Variants in SLC13A5 observed in about 807,000 individuals in gnomAD.
SLC13A5 encodes Na(+)/citrate cotransporter.
SLC13A5 carries 25 observed loss-of-function variants against 56.5 expected under a neutral mutation model. The observed-to-expected ratio is 0.44, with a 90% CI of 0.32 to 0.62. The LOEUF is 0.62. Among genes scored for constraint, SLC13A5 ranks in the 20% least tolerant of loss-of-function variants. The probability of loss-of-function intolerance (pLI) is 0.04; values close to 1 mark genes in which losing one functional copy is unlikely to be tolerated. For missense variants in SLC13A5, 649 were observed against 737.8 expected (o/e 0.88, Z 1.39); for synonymous variants, 307 against 301.5 (o/e 1.02, Z -0.19).
chr17:6,703,190 C>T, intron 4 of SLC13A5, 52 bp from the exon 5 acceptor site: 1 of 1,605,326 alleles, frequency 6.2e-7, no homozygotes, highest in Non-Finnish European at 8.5e-7. Flanking sequence ...GCTGCCCACC[C>T]AGCCCCAGGT....
rs770791317 is a variant in SLC13A5 at position 6,713,279 on chromosome 17, C to G, written c.55G>C (p.Val19Leu). 1 of 1,613,978 alleles carries G rather than the reference C, an allele frequency of 6.2e-7. No homozygotes were observed. The highest frequency in any genetic ancestry group is 8.5e-7 in the Non-Finnish European group (1 of 1,179,914). The change falls in exon 1 of 12, where the codon GTC becomes CTC. Residue 19 changes from valine (V) to leucine (L), a missense_variant. Val to Leu is a conservative substitution (Grantham distance 32). Coordinates refer to ENST00000433363, the MANE Select transcript of SLC13A5 (RefSeq NM_177550.5). The surrounding 1 kb of genome is among the most constrained non-coding windows in gnomAD (Gnocchi z 7.3). ...AGTGGCAGCAGCAGGAGCGGGGTGACGAACAAGATCACGAAGGACTTGAAC... is the reference window on the plus strand; with the variant it reads ...AGTGGCAGCAGCAGGAGCGGGGTGAGGAACAAGATCACGAAGGACTTGAAC... ...SKFKSFVILF[V>L]TPLLLLPLVI...
At chr17:6,702,148 C>G (rs1490816347) in intron 5 of SLC13A5, among the ~76,000 whole-genome samples, 2 of 152,224 alleles carry the variant, frequency 1.3e-5, no homozygotes, top group Admixed American at 1.3e-4. Flanking sequence ...GCTCCTGCGC[C>G]CACTGCCCTC....
In SLC13A5 at chr17:6,711,124, C is replaced by G. The variant is rs1415314181; in HGVS notation, c.102+2108G>C. Reference sequence around the variant, plus strand: ...GCGTGCCCTGGGAGTCACCTCCTGGCAAGGACTGTGTTGCTCAGGCTGCCA... The same window carrying G: ...GCGTGCCCTGGGAGTCACCTCCTGGGAAGGACTGTGTTGCTCAGGCTGCCA... On this transcript the variant is annotated intron_variant, in intron 1 of 11. Transcript: ENST00000433363. This position sits in a 1 kb window ranked among gnomAD's most constrained non-coding sequence, Gnocchi z 4.0. Among the ~76,000 whole-genome samples the G allele has an allele frequency of 2.0e-5, 3 of 152,144 alleles. No individual in the cohort carries two copies. Among genetic ancestry groups the G allele is most frequent in the South Asian group, 2.1e-4 (1 of 4,818 alleles).
At position 6,687,121 on chromosome 17, in the gene SLC13A5, G is replaced by A. The variant is rs771273367; in HGVS notation, c.1575+408C>T. 15 of 198,504 alleles carry A rather than the reference G, an allele frequency of 7.6e-5. No individual in the cohort carries two copies. The highest frequency in any genetic ancestry group is 1.5e-4 in the Non-Finnish European group (15 of 98,756). The allele number at this position is 198,504 out of a possible 1,614,324, so 12.3% of individuals were successfully genotyped here. On this transcript the variant is annotated intron_variant, in intron 11 of 11. Coordinates refer to ENST00000433363, the MANE Select transcript of SLC13A5 (RefSeq NM_177550.5). The surrounding 1 kb of genome is among the most constrained non-coding windows in gnomAD (Gnocchi z 5.0). ...CCTCTCCCTGCTTCTACCTCTTCAG[G>A]CACCCCTACAAATCTCTGTGACTGT... is the stretch of plus-strand genomic sequence containing the variant.
rs887778891 is a variant in SLC13A5 at position 6,692,274 on chromosome 17, T to C, written c.1275+770A>G. Among the ~76,000 whole-genome samples the C allele has an allele frequency of 8.7e-5, 13 of 149,216 alleles. No homozygotes were observed. The highest frequency in any genetic ancestry group is 5.9e-4 in the East Asian group (3 of 5,080). On this transcript the variant is annotated intron_variant, in intron 9 of 11. Transcript: ENST00000433363. The surrounding 1 kb of genome is among the most constrained non-coding windows in gnomAD (Gnocchi z 5.5). ...ATGGATGGATGGATGGATGGATGGA[T>C]GGACGGATGGACGGACGGATGGATG... is the stretch of plus-strand genomic sequence containing the variant.
Position 6,706,872 on chromosome 17 carries a change from G to A in SLC13A5, c.232-94C>T, listed in dbSNP as rs189539209. 78 of 1,575,924 alleles carry A rather than the reference G, an allele frequency of 4.9e-5. No homozygotes were observed. The African/African-American group carries it at 8.2e-4, about 17-fold the overall frequency. ...ATGCTGACTTCAGGGACAGCTTGGAGTGGGGATGCAGGCTCGAGTGGTGTC... is the reference window on the plus strand; with the variant it reads ...ATGCTGACTTCAGGGACAGCTTGGAATGGGGATGCAGGCTCGAGTGGTGTC... On this transcript the variant is annotated intron_variant, in intron 2 of 11. Transcript: ENST00000433363.
In SLC13A5 at chr17:6,706,989, A is replaced by T. The variant is rs2151498619; in HGVS notation, c.231+39T>A. 1.9e-6 allele frequency: 3 copies of T among 1,611,806 alleles called. No individual in the cohort carries two copies. In the South Asian group the frequency reaches 3.3e-5, roughly 18 times the overall value. On this transcript the variant is annotated intron_variant, in intron 2 of 11. Transcript: ENST00000433363. ...GGGGACTAGAGAAAGAGAGAAGGGGAGAACCAGAAAGTCACCAGGATCCCT... is the reference window on the plus strand; with the variant it reads ...GGGGACTAGAGAAAGAGAGAAGGGGTGAACCAGAAAGTCACCAGGATCCCT...
rs971343338 is a variant in SLC13A5 at position 6,687,806 on chromosome 17, G to A, written c.1438-140C>T. Reference sequence around the variant, plus strand: ...TCTTGGTTCCTCTCCCTTTTGCCACGTCTCTGGCAGATAATTCCACCTACG... The same window carrying A: ...TCTTGGTTCCTCTCCCTTTTGCCACATCTCTGGCAGATAATTCCACCTACG... On this transcript the variant is annotated intron_variant, in intron 10 of 11. Transcript: ENST00000433363. The surrounding 1 kb of genome is among the most constrained non-coding windows in gnomAD (Gnocchi z 5.0). 2.6e-5 allele frequency: 27 copies of A among 1,049,140 alleles called. No homozygotes were observed. Among genetic ancestry groups the A allele is most frequent in the African/African-American group, 5.0e-5 (3 of 60,106 alleles). The allele number at this position is 1,049,140 out of a possible 1,614,324, so 65.0% of individuals were successfully genotyped here.
chr17:6,696,868 G>C (rs1973575927), intron 6 of SLC13A5, among the ~76,000 whole-genome samples: 1 of 152,160 alleles, frequency 6.6e-6, no homozygotes, highest in Non-Finnish European at 1.5e-5. Flanking sequence ...TGATGGAATA[G>C]GAGCTCATTC....
intron 6 of SLC13A5, among the ~76,000 whole-genome samples, chr17:6,696,980 T>A (rs930200391): frequency 6.6e-6 from 1 of 152,046 alleles, no homozygotes; most frequent in African/African-American, 2.4e-5. Flanking sequence ...GGACATCAGG[T>A]CACAGCTTTC....
At position 6,701,976 on chromosome 17, in the gene SLC13A5, G is replaced by A. The variant is rs1345487309; in HGVS notation, c.717-850C>T. 6.6e-6 allele frequency among the ~76,000 whole-genome samples: 1 copy of A among 152,186 alleles called. No individual in the cohort carries two copies. Among genetic ancestry groups the A allele is most frequent in the Non-Finnish European group, 1.5e-5 (1 of 68,024 alleles). ...TCAAGAGTGTCAAAGCAGGCGCAGA[G>A]CTTTCCCCACTCAGCCCAGACGGGC... On this transcript the variant is annotated intron_variant, in intron 5 of 11. Coordinates refer to ENST00000433363, the MANE Select transcript of SLC13A5 (RefSeq NM_177550.5). This position sits in a 1 kb window ranked among gnomAD's most constrained non-coding sequence, Gnocchi z 4.1.
In SLC13A5 at chr17:6,713,121, C is replaced by T. The variant is rs754518413; in HGVS notation, c.102+111G>A. On this transcript the variant is annotated intron_variant, in intron 1 of 11. Coordinates refer to ENST00000433363, the MANE Select transcript of SLC13A5 (RefSeq NM_177550.5). This position sits in a 1 kb window ranked among gnomAD's most constrained non-coding sequence, Gnocchi z 7.3. ...CCTGAGTGCGCGCGCCCCGGGAGAGCTGTGCTCCCCGCGAAATCCGTGCGC... is the reference window on the plus strand; with the variant it reads ...CCTGAGTGCGCGCGCCCCGGGAGAGTTGTGCTCCCCGCGAAATCCGTGCGC... The T allele has an allele frequency of 1.6e-5, 18 of 1,096,250 alleles. No individual in the cohort carries two copies. The highest frequency in any genetic ancestry group is 2.3e-5 in the Non-Finnish European group (17 of 750,690). The allele number at this position is 1,096,250 out of a possible 1,614,324, so 67.9% of individuals were successfully genotyped here.
intron 11 of SLC13A5, 43 bp from the exon 12 acceptor site, chr17:6,686,381 C>G: frequency 6.2e-7 from 1 of 1,612,240 alleles, no homozygotes; most frequent in Non-Finnish European, 8.5e-7. Flanking sequence ...CTGCTGGGGA[C>G]TAGTGCTCTC....
In SLC13A5 at chr17:6,686,072, G is replaced by T; in HGVS notation, c.*135C>A. The T allele has an allele frequency of 1.5e-6, 2 of 1,294,276 alleles. No homozygotes were observed. Among genetic ancestry groups the T allele is most frequent in the Non-Finnish European group, 2.1e-6 (2 of 932,034 alleles). The allele number at this position is 1,294,276 out of a possible 1,614,324, so 80.2% of individuals were successfully genotyped here. On this transcript the variant is annotated 3_prime_UTR_variant, in exon 12 of 12. Coordinates refer to ENST00000433363, the MANE Select transcript of SLC13A5 (RefSeq NM_177550.5). ...GGCTTGGAGGAAGAGGTGGCCCATT[G>T]GCTGGGTTTTGGTGGTGTGTGGACA...
rs188633887 is a variant in SLC13A5, at chr17:6,694,034, T to C, written c.1156+63A>G. The C allele has an allele frequency of 7.2e-4, 816 of 1,137,038 alleles. 3 individuals are homozygous for C. The highest frequency in any genetic ancestry group is 4.6e-3 in the South Asian group (328 of 71,258). 70.4% of individuals were successfully genotyped at this position (1,137,038 alleles called of 1,614,324 possible). A position where few individuals can be genotyped will look rare whatever the true frequency, so the allele number is the denominator to read the frequency against. Reference sequence around the variant, plus strand: ...TCCCTCTAGGGCCCAAGGCATCCCATAGTGACCCTTTGGTTCCAGGGCTCC... The same window carrying C: ...TCCCTCTAGGGCCCAAGGCATCCCACAGTGACCCTTTGGTTCCAGGGCTCC... On this transcript the variant is annotated intron_variant, in intron 8 of 11. Transcript: ENST00000433363.
chr17:6,691,004 G>A, intron 9 of SLC13A5, 64 bp from the exon 10 acceptor site: 5 of 1,535,418 alleles, frequency 3.3e-6, no homozygotes, highest in Non-Finnish European at 4.4e-6. Context: ...CAGGGCCAGG[G>A]CAAGCTTGGC....
At chr17:6,707,318 T>A (rs1289553808) in intron 1 of SLC13A5, among the ~76,000 whole-genome samples, 162 bp from the exon 2 acceptor site, 1 of 152,180 alleles carries the variant, frequency 6.6e-6, no homozygotes, top group African/African-American at 2.4e-5. Flanking sequence ...AGCACAGCTT[T>A]CCCGGGTCAG....
intron 6 of SLC13A5, among the ~76,000 whole-genome samples, chr17:6,699,069 AAATAAATAAATAAAT>A (rs1429457468): frequency 1.4e-5 from 2 of 138,616 alleles, no homozygotes; most frequent in Admixed American, 7.4e-5. Context: ...ATAAATAAAT[AAATAAATAAATAAAT>A]AAATAAAATA....
At position 6,709,564 on chromosome 17, in the gene SLC13A5, G is replaced by A. The variant is rs149022056; in HGVS notation, c.103-2408C>T. The stretch of plus-strand genomic sequence containing the variant: ...ATTACAGGCATGAGCCACTGTGCCC[G>A]GCCATCTTTGCAAATGTTTATTAAA... On this transcript the variant is annotated intron_variant, in intron 1 of 11. Coordinates refer to ENST00000433363, the MANE Select transcript of SLC13A5 (RefSeq NM_177550.5). Among the ~76,000 whole-genome samples the A allele has an allele frequency of 1.4e-3, 209 of 152,210 alleles. 1 individual carries two copies. Among genetic ancestry groups the A allele is most frequent in the African/African-American group, 3.4e-3 (143 of 41,528 alleles).
Sources: allele counts gnomAD v4.1 joint callset (sites outside exome capture counted in the v4.1 genomes callset), GRCh38; gene constraint gnomAD v4.1.1; non-coding constraint Gnocchi (gnomAD v3.1); transcripts MANE v1.5; gene names NCBI Gene and HGNC (gene_info 2026-07-23, HGNC 2026-07-21).